Variants in PCNX2 observed in about 807,000 individuals in gnomAD.
The protein encoded by PCNX2 is pecanex-like protein 2.
Under a neutral mutation model 223.8 loss-of-function variants are expected in PCNX2, and 168 were observed. The observed-to-expected ratio is 0.75, with a 90% CI of 0.66 to 0.85. The LOEUF is 0.85. PCNX2 is among the 40% of genes least tolerant of loss of function. The probability of loss-of-function intolerance (pLI) is 0.00; values close to 1 mark genes in which losing one functional copy is unlikely to be tolerated. For synonymous variants in PCNX2, 1,006 were observed against 1,052.6 expected, an observed-to-expected ratio of 0.96 and a Z score of 0.86; for missense variants, 2,507 against 2,675.5, an observed-to-expected ratio of 0.94 and a Z score of 1.39.
intron 23 of PCNX2, among the ~76,000 whole-genome samples, chr1:233,079,671 C>T (rs1457112028): frequency 6.6e-6 from 1 of 152,106 alleles, no homozygotes; most frequent in Non-Finnish European, 1.5e-5. Flanking sequence ...AATTCAGTGG[C>T]TCACAAAGCT....
intron 8 of PCNX2, among the ~76,000 whole-genome samples, chr1:233,246,486 T>G (rs930862045): frequency 6.6e-6 from 1 of 152,218 alleles, no homozygotes; most frequent in Non-Finnish European, 1.5e-5. Context: ...TCAGTCTTAG[T>G]TTCCTTATCT....
intron 9 of PCNX2, among the ~76,000 whole-genome samples, chr1:233,230,101 AAG>A (rs1035121641): frequency 2.4e-4 from 37 of 152,326 alleles, no homozygotes; most frequent in African/African-American, 8.7e-4. Flanking sequence ...AAAACATAAC[AAG>A]AGAGAGTTTC....
rs143734313 is a variant in PCNX2, at chr1:233,064,550, T to C, written c.4077-7260A>G. On this transcript the variant is annotated intron_variant, in intron 23 of 33. Coordinates refer to ENST00000258229, the MANE Select transcript of PCNX2 (RefSeq NM_014801.4). ...CTGCTTCTGTAGGACTAACGCTTCA[T>C]CACCTAGCCTGGCATAGATTTTAAA... Among the ~76,000 whole-genome samples, 16 of 152,336 alleles carry C rather than the reference T, an allele frequency of 1.1e-4. No individual in the cohort carries two copies. The East Asian group carries it at 2.5e-3, about 24-fold the overall frequency.
intron 23 of PCNX2, among the ~76,000 whole-genome samples, chr1:233,064,936 T>C (rs997981284): frequency 6.6e-6 from 1 of 152,198 alleles, no homozygotes; most frequent in African/African-American, 2.4e-5. Flanking sequence ...CTTCTACTGA[T>C]CTTTGTGAAT....
intron 25 of PCNX2, chr1:233,032,087 TTTTC>T (rs149859778): frequency 0.35 from 318,840 of 911,754 alleles, 63,598 homozygotes; most frequent in African/African-American, 0.78. Flanking sequence ...AATAAGACAG[TTTTC>T]TTTCTTTCTT....
intron 15 of PCNX2, 54 bp from the exon 16 acceptor site, chr1:233,179,229 G>T: frequency 6.4e-7 from 1 of 1,554,314 alleles, no homozygotes; most frequent in Non-Finnish European, 8.9e-7. Flanking sequence ...TGAATAGCAG[G>T]ATCTCTATCA....
chr1:233,051,648 G>T (rs1332323115), intron 25 of PCNX2, among the ~76,000 whole-genome samples: 1 of 152,100 alleles, frequency 6.6e-6, no homozygotes. Flanking sequence ...TAAACGTTTG[G>T]TACTAATGGA....
chr1:232,997,045 G>A (rs1456877485), intron 32 of PCNX2, among the ~76,000 whole-genome samples: 14 of 152,186 alleles, frequency 9.2e-5, no homozygotes, highest in Admixed American at 9.2e-4. Flanking sequence ...GTTGATGAAA[G>A]CCTCAAAGGC....
At chr1:233,293,345 C>A (rs1661878983) in intron 1 of PCNX2, among the ~76,000 whole-genome samples, 1 of 152,144 alleles carries the variant, frequency 6.6e-6, no homozygotes, top group Non-Finnish European at 1.5e-5. Context: ...AAGAGACACA[C>A]AAGTTAATTA....
intron 21 of PCNX2, among the ~76,000 whole-genome samples, chr1:233,107,701 A>G (rs1674878746): frequency 6.6e-6 from 1 of 151,634 alleles, no homozygotes; most frequent in Non-Finnish European, 1.5e-5. Context: ...TAAATACATG[A>G]CTTTTCTAAA....
At chr1:233,141,717 C>CTGTG (rs201516662) in intron 19 of PCNX2, among the ~76,000 whole-genome samples, 96,125 of 150,898 alleles carry the variant, frequency 0.64, 32,654 homozygotes, top group African/African-American at 0.89. Context: ...ATATATATAT[C>CTGTG]TGTGTGTGTA....
intron 23 of PCNX2, among the ~76,000 whole-genome samples, chr1:233,063,105 C>A (rs1672464220): frequency 6.6e-6 from 1 of 152,016 alleles, no homozygotes; most frequent in Admixed American, 6.6e-5. Flanking sequence ...GGTGTGGTGG[C>A]ACACCCTTGT....
chr1:233,288,618 G>C (rs1447913700), intron 1 of PCNX2, among the ~76,000 whole-genome samples: 3 of 152,116 alleles, frequency 2.0e-5, no homozygotes, highest in Non-Finnish European at 2.9e-5. Context: ...TGTTGCCCCA[G>C]CAACAAATGA....
chr1:233,003,476 G>C (rs922194651), intron 28 of PCNX2, among the ~76,000 whole-genome samples: 9 of 152,188 alleles, frequency 5.9e-5, no homozygotes, highest in African/African-American at 2.2e-4. Context: ...CAGTTAGAAT[G>C]GCAATCATTA....
intron 26 of PCNX2, chr1:233,018,634 G>T: frequency 2.5e-6 from 1 of 402,858 alleles, no homozygotes; most frequent in Non-Finnish European, 3.4e-6. Context: ...AAGCCTGATA[G>T]GCTTGGATCA....
At chr1:233,200,293 A>G in intron 13 of PCNX2, 29 bp from the exon 14 acceptor site, 1 of 1,481,862 alleles carries the variant, frequency 6.7e-7, no homozygotes, top group Non-Finnish European at 9.2e-7. Context: ...AATTGACGAT[A>G]AGCATGGGGA....
At chr1:233,218,334 T>C (rs1011524799) in intron 10 of PCNX2, 150 bp from the exon 11 acceptor site, 13 of 687,964 alleles carry the variant, frequency 1.9e-5, no homozygotes, top group African/African-American at 3.7e-5. Context: ...CTGCAAGCTC[T>C]GCCTCCCAGG....
At chr1:233,280,043 T>C (rs950117937) in intron 1 of PCNX2, among the ~76,000 whole-genome samples, 7 of 152,216 alleles carry the variant, frequency 4.6e-5, no homozygotes, top group African/African-American at 1.7e-4. Flanking sequence ...TTAGTCTATA[T>C]ATATCTTCTG....
chr1:233,130,138 C>T (rs1021093284), intron 21 of PCNX2, among the ~76,000 whole-genome samples: 3 of 152,112 alleles, frequency 2.0e-5, no homozygotes, highest in East Asian at 1.9e-4. Flanking sequence ...AGCGAGACCA[C>T]GAACCCACCA....
Sources: allele counts gnomAD v4.1 joint callset (sites outside exome capture counted in the v4.1 genomes callset), GRCh38; gene constraint gnomAD v4.1.1; transcripts MANE v1.5; gene names NCBI Gene and HGNC (gene_info 2026-07-23, HGNC 2026-07-21).